SLC9B1: variants seen among roughly 807,000 people sequenced by gnomAD.
SLC9B1 encodes the protein solute carrier family 9 member B1, also known as sodium/hydrogen exchanger 9B1.
Under a neutral mutation model 51.7 loss-of-function variants are expected in SLC9B1, and 32 were observed. That is an observed-to-expected ratio of 0.62 (90% CI 0.47 to 0.83). SLC9B1 has a LOEUF of 0.83. Ranked by LOEUF, SLC9B1 falls within the 40% of genes least tolerant of loss-of-function variation. The pLI is 0.00. For synonymous variants in SLC9B1, 145 were observed against 212.7 expected, an observed-to-expected ratio of 0.68 and a Z score of 2.77; for missense variants, 406 against 613.2, an observed-to-expected ratio of 0.66 and a Z score of 3.57.
chr4:102,967,640 T>A (rs979735287), intron 3 of SLC9B1, among the ~76,000 whole-genome samples: 10 of 152,034 alleles, frequency 6.6e-5, no homozygotes, highest in Non-Finnish European at 1.3e-4. Context: ...AGACAACTAA[T>A]CCCACAAGAG....
At chr4:103,010,861 T>C (rs1741053428) in intron 1 of SLC9B1, among the ~76,000 whole-genome samples, 1 of 152,232 alleles carries the variant, frequency 6.6e-6, no homozygotes, top group South Asian at 2.1e-4. Flanking sequence ...AGTTTCAACA[T>C]GAAATTGGAG....
chr4:103,001,362 G>A (rs1302769821), intron 1 of SLC9B1, among the ~76,000 whole-genome samples: 1 of 152,198 alleles, frequency 6.6e-6, no homozygotes, highest in African/African-American at 2.4e-5. Flanking sequence ...CCCAAAAATG[G>A]ATTTTTCTTT....
intron 7 of SLC9B1, 120 bp from the exon 8 acceptor site, chr4:102,911,657 T>C (rs563946872): frequency 3.3e-6 from 2 of 607,378 alleles, no homozygotes; most frequent in African/African-American, 3.7e-5. Flanking sequence ...AACAAATATA[T>C]GCAAATGGTC....
At chr4:102,936,358 C>T (rs572174587) in intron 6 of SLC9B1, among the ~76,000 whole-genome samples, 6 of 152,180 alleles carry the variant, frequency 3.9e-5, no homozygotes, top group Non-Finnish European at 8.8e-5. Flanking sequence ...GCCAGAATGT[C>T]TTCCTGTCTT....
Position 102,960,714 on chromosome 4 carries a change from G to A in SLC9B1, c.212-11287C>T, listed in dbSNP as rs559104654. ...TCTACTAATAAGAAATTTTCATTAA[G>A]CTTTACTTTCTTTCTTTCTTTCTTT... is the stretch of plus-strand genomic sequence containing the variant. On this transcript the variant is annotated intron_variant, in intron 3 of 11. Coordinates refer to ENST00000296422, the MANE Select transcript of SLC9B1 (RefSeq NM_139173.4). 1.4e-3 allele frequency among the ~76,000 whole-genome samples: 206 copies of A among 151,500 alleles called. No individual in the cohort carries two copies. The Middle Eastern group carries it at 0.014, about 10-fold the overall frequency.
chr4:102,888,895 C>A (rs1208159123), intron 11 of SLC9B1: 1 of 152,252 alleles, frequency 6.6e-6, no homozygotes, highest in East Asian at 1.9e-4. Flanking sequence ...AAGACAAATA[C>A]AAAAGCTTTT....
At chr4:102,905,851 G>A (rs2110426547) in intron 10 of SLC9B1, among the ~76,000 whole-genome samples, 1 of 152,130 alleles carries the variant, frequency 6.6e-6, no homozygotes, top group Non-Finnish European at 1.5e-5. Context: ...AGTATCTGAT[G>A]GTGGAAGTAC....
chr4:102,955,316 G>A (rs553959476), intron 3 of SLC9B1, among the ~76,000 whole-genome samples: 1 of 152,278 alleles, frequency 6.6e-6, no homozygotes, highest in East Asian at 1.9e-4. Context: ...ATGATTCTGA[G>A]GCCTCCCCAG....
At chr4:102,955,887 A>AAGAAAGAAAGAG (rs1737777177) in intron 3 of SLC9B1, among the ~76,000 whole-genome samples, 1 of 144,420 alleles carries the variant, frequency 6.9e-6, no homozygotes, top group African/African-American at 2.8e-5. Context: ...GAAAGAAAGA[A>AAGAAAGAAAGAG]AGAAAGAAAG....
At chr4:102,960,491 AC>A (rs1325180513) in intron 3 of SLC9B1, among the ~76,000 whole-genome samples, 3 of 151,988 alleles carry the variant, frequency 2.0e-5, no homozygotes, top group African/African-American at 7.3e-5. Context: ...AAATAGCAAA[AC>A]CCCCCAAAAA....
intron 6 of SLC9B1, among the ~76,000 whole-genome samples, chr4:102,939,656 C>T (rs1736893477): frequency 6.6e-6 from 1 of 152,138 alleles, no homozygotes; most frequent in South Asian, 2.1e-4. Flanking sequence ...AAATCCTCAA[C>T]AAAATACAAG....
intron 1 of SLC9B1, among the ~76,000 whole-genome samples, chr4:102,992,063 A>G (rs1219237306): frequency 2.0e-5 from 3 of 152,162 alleles, no homozygotes; most frequent in East Asian, 3.8e-4. Context: ...GATTTAATCT[A>G]TCTTCTGTCA....
downstream of SLC9B1, among the ~76,000 whole-genome samples, chr4:102,898,554 C>T (rs542761505): frequency 6.6e-6 from 1 of 152,126 alleles, no homozygotes; most frequent in East Asian, 1.9e-4. Context: ...TTTTGTAATT[C>T]GTTAGTGTGG....
intron 11 of SLC9B1, chr4:102,889,687 C>G (rs1487018997): frequency 6.6e-6 from 1 of 152,192 alleles, no homozygotes; most frequent in Non-Finnish European, 1.5e-5. Context: ...ATGCCCATAT[C>G]TTTTCCCACC....
intron 7 of SLC9B1, among the ~76,000 whole-genome samples, chr4:102,919,032 C>A (rs1735727430): frequency 6.6e-6 from 1 of 152,200 alleles, no homozygotes. Context: ...ATAGTGCAGT[C>A]CCAAGACTGC....
intron 6 of SLC9B1, among the ~76,000 whole-genome samples, chr4:102,940,202 C>T (rs768359013): frequency 3.9e-5 from 6 of 152,166 alleles, no homozygotes; most frequent in Admixed American, 1.3e-4. Context: ...CATTTCTATA[C>T]ACCAACAACA....
rs191861156 is a variant in SLC9B1 at position 102,980,430 on chromosome 4, G to A, written c.211+9370C>T. 8.4e-3 allele frequency among the ~76,000 whole-genome samples: 1,282 copies of A among 152,242 alleles called. 11 individuals carry two copies. Among genetic ancestry groups the A allele is most frequent in the Non-Finnish European group, 0.015 (1,001 of 68,008 alleles). On this transcript the variant is annotated intron_variant, in intron 3 of 11. Transcript: ENST00000296422. ...TGCAGCCATAAAAAGGAATGAGATC[G>A]TGTCCTTTGCAGGGACATGGATGGA...
chr4:102,979,939 A>G (rs113889279), intron 3 of SLC9B1, among the ~76,000 whole-genome samples: 4,291 of 152,296 alleles, frequency 0.028, 189 homozygotes, highest in African/African-American at 0.093. Flanking sequence ...GGTAAAGGAC[A>G]TGAGCAGACA....
chr4:102,972,329 G>A (rs1020731504), intron 3 of SLC9B1, among the ~76,000 whole-genome samples: 19 of 152,160 alleles, frequency 1.2e-4, no homozygotes, highest in African/African-American at 4.6e-4. Context: ...TGCAAGCCTG[G>A]GTCAATATAC....
Sources: allele counts gnomAD v4.1 joint callset (sites outside exome capture counted in the v4.1 genomes callset), GRCh38; gene constraint gnomAD v4.1.1; transcripts MANE v1.5; gene names NCBI Gene and HGNC (gene_info 2026-07-23, HGNC 2026-07-21).